Variants in HIVEP2 observed in about 807,000 individuals in gnomAD.
The protein encoded by HIVEP2 is HIVEP zinc finger 2.
Under a neutral mutation model 180.7 loss-of-function variants are expected in HIVEP2, and 14 were observed. The observed-to-expected ratio is 0.08, with a 90% CI of 0.05 to 0.12. The LOEUF (loss-of-function observed/expected upper bound fraction) is 0.12. HIVEP2 is among the 10% of genes least tolerant of loss of function. The pLI, the probability that HIVEP2 is intolerant of heterozygous loss-of-function variation, is 1.00. For synonymous variants in HIVEP2, 1,184 were observed against 1,136.4 expected (o/e 1.04, Z -0.84); for missense variants, 2,579 against 3,008.5 (o/e 0.86, Z 3.34).
chr6:142,868,888 T>C (rs763567772), intron 1 of HIVEP2, among the ~76,000 whole-genome samples: 8 of 152,210 alleles, frequency 5.3e-5, no homozygotes, highest in Non-Finnish European at 8.8e-5. Flanking sequence ...GTATTGCCTC[T>C]GTAAGTATAG....
chr6:142,821,788 A>G (rs529565915), intron 2 of HIVEP2, among the ~76,000 whole-genome samples: 50 of 152,320 alleles, frequency 3.3e-4, no homozygotes, highest in Non-Finnish European at 6.0e-4. Context: ...CAAGCAATCA[A>G]GGCTAAATAT....
At chr6:142,795,596 A>T (rs936014841) in intron 2 of HIVEP2, among the ~76,000 whole-genome samples, 3 of 152,218 alleles carry the variant, frequency 2.0e-5, no homozygotes, top group Non-Finnish European at 4.4e-5. Flanking sequence ...TTTAACATAG[A>T]TGTAAATTAT....
rs1775591955 is a variant in HIVEP2, at chr6:142,772,960, T to C, written c.1779A>G (p.Gln593=). 3 of 1,614,202 alleles carry C rather than the reference T, an allele frequency of 1.9e-6. No individual in the cohort carries two copies. The highest frequency in any genetic ancestry group is 2.5e-6 in the Non-Finnish European group (3 of 1,180,042). The part of the protein sequence containing the change: ...GIPPQRMLRR[Q]AAFELPSVQE... ...GTACCGAAGGCAGCTCAAATGCCGC[T>C]TGTCTTCTTAGCATGCGCTGAGGGG... Residue 593 remains glutamine (Q), a synonymous_variant, in exon 5 of 10, where the codon CAA becomes CAG. Coordinates refer to ENST00000367603, the MANE Select transcript of HIVEP2 (RefSeq NM_006734.4). The surrounding 1 kb of genome is among the most constrained non-coding windows in gnomAD (Gnocchi z 4.9).
At chr6:142,857,250 TTGTC>T (rs1221453360) in intron 1 of HIVEP2, among the ~76,000 whole-genome samples, 1 of 152,054 alleles carries the variant, frequency 6.6e-6, no homozygotes, top group Non-Finnish European at 1.5e-5. Flanking sequence ...CCATCAGATG[TTGTC>T]TGTCAACTTA....
chr6:142,940,913 C>T (rs1392233031), intron 1 of HIVEP2, among the ~76,000 whole-genome samples: 1 of 152,154 alleles, frequency 6.6e-6, no homozygotes, highest in Non-Finnish European at 1.5e-5. Flanking sequence ...CCGAGAATCA[C>T]CCTCAGGCAC....
chr6:142,882,592 T>A (rs1582938717), intron 1 of HIVEP2, among the ~76,000 whole-genome samples: 1 of 135,170 alleles, frequency 7.4e-6, no homozygotes, highest in African/African-American at 2.8e-5. Flanking sequence ...CCAGCCTGGG[T>A]GACAAAGCAA....
intron 1 of HIVEP2, among the ~76,000 whole-genome samples, chr6:142,894,642 C>T (rs374798616): frequency 6.6e-5 from 10 of 152,302 alleles, no homozygotes; most frequent in South Asian, 2.1e-4. Context: ...GAGTGTCCAG[C>T]GTGTCTTGCA....
chr6:142,911,354 A>T (rs1777401680), intron 1 of HIVEP2, among the ~76,000 whole-genome samples: 1 of 152,186 alleles, frequency 6.6e-6, no homozygotes, highest in African/African-American at 2.4e-5. Flanking sequence ...TGATTGCCAT[A>T]GGGCATTTAA....
At chr6:142,759,530 GCCTCAC>G (rs1775166486) in intron 9 of HIVEP2, among the ~76,000 whole-genome samples, 1 of 152,144 alleles carries the variant, frequency 6.6e-6, no homozygotes, top group African/African-American at 2.4e-5. Flanking sequence ...CTTCAGAAAG[GCCTCAC>G]CTGTTCCCAC....
chr6:142,844,383 A>G (rs1775453607), intron 1 of HIVEP2, among the ~76,000 whole-genome samples: 1 of 152,182 alleles, frequency 6.6e-6, no homozygotes. Context: ...CTAATATTTT[A>G]GCTCTCCTAA....
chr6:142,794,057 T>C (rs1158092372), intron 2 of HIVEP2: 1 of 152,162 alleles, frequency 6.6e-6, no homozygotes, highest in African/African-American at 2.4e-5. Context: ...ATTTTATTTT[T>C]ATTTAAAATT....
intron 7 of HIVEP2, among the ~76,000 whole-genome samples, chr6:142,761,827 T>G (rs1582832654): frequency 6.6e-6 from 1 of 152,172 alleles, no homozygotes; most frequent in East Asian, 1.9e-4. Flanking sequence ...TCACATCTTT[T>G]CAAGAGTAGG....
chr6:142,752,791 T>C lies in HIVEP2; in HGVS notation c.*316A>G, dbSNP rs1292180466. 5 of 246,406 alleles carry C rather than the reference T, an allele frequency of 2.0e-5. No individual in the cohort carries two copies. The highest frequency in any genetic ancestry group is 5.0e-5 in the Admixed American group (1 of 20,108). The allele number at this position is 246,406 out of a possible 1,614,324, so 15.3% of individuals were successfully genotyped here. A position where few individuals can be genotyped will look rare whatever the true frequency, so the allele number is the denominator to read the frequency against. ...GAAATTACATTTATTACAAAGCAGA[T>C]ACACAAATTCTAAAATATGTACAAA... is the stretch of plus-strand genomic sequence containing the variant. On this transcript the variant is annotated 3_prime_UTR_variant, in exon 10 of 10. Transcript: ENST00000367603.
intron 1 of HIVEP2, among the ~76,000 whole-genome samples, chr6:142,880,043 T>C (rs1334097528): frequency 6.6e-6 from 1 of 152,142 alleles, no homozygotes; most frequent in Admixed American, 6.6e-5. Context: ...GGAAACTCTA[T>C]AATTCATCTC....
rs1249045226 is a variant in HIVEP2, at chr6:142,753,148, C to T, written c.7300G>A (p.Glu2434Lys). The change falls in exon 10 of 10, where the codon GAA (glutamate) becomes AAA (lysine). Residue 2434 changes from glutamate (E) to lysine (K), a missense_variant. Coordinates refer to ENST00000367603, the MANE Select transcript of HIVEP2 (RefSeq NM_006734.4). ...TTTTCTGATGAAGGATCTTTGCTTT[C>T]CTCTGTGCTTGAAGATAATTCCTTG... ...SSKELSSSTEESKDPSSEKSQ... is the reference protein window; with the variant it reads ...SSKELSSSTEKSKDPSSEKSQ... 1 of 1,612,578 alleles carries T rather than the reference C, an allele frequency of 6.2e-7. No homozygotes were observed. The highest frequency in any genetic ancestry group is 1.1e-5 in the South Asian group (1 of 91,048).
intron 1 of HIVEP2, among the ~76,000 whole-genome samples, chr6:142,942,777 C>G (rs73588427): frequency 0.033 from 4,981 of 152,218 alleles, 261 homozygotes; most frequent in African/African-American, 0.11. Flanking sequence ...CATCAATTTA[C>G]TCTTGAATAC....
At chr6:142,783,987 C>T (rs539751605) in intron 2 of HIVEP2, among the ~76,000 whole-genome samples, 1 of 152,276 alleles carries the variant, frequency 6.6e-6, no homozygotes, top group South Asian at 2.1e-4. Context: ...GATGAAGTCT[C>T]AGATAACCTT....
intron 2 of HIVEP2, among the ~76,000 whole-genome samples, chr6:142,824,846 C>A (rs1774833907): frequency 6.6e-6 from 1 of 152,042 alleles, no homozygotes; most frequent in East Asian, 1.9e-4. Context: ...GGTGGTTCTG[C>A]AATTTGAAAC....
intron 1 of HIVEP2, among the ~76,000 whole-genome samples, chr6:142,938,636 ACAC>A (rs1300347180): frequency 1.3e-5 from 2 of 152,238 alleles, no homozygotes; most frequent in Non-Finnish European, 1.5e-5. Context: ...GCAAACCTGT[ACAC>A]ATATGCACGC....
Sources: gnomAD v4.1 joint callset for allele counts (sites outside exome capture counted in the v4.1 genomes callset) on GRCh38, gnomAD v4.1.1 for gene constraint, Gnocchi (gnomAD v3.1) non-coding constraint, MANE v1.5 for transcripts, NCBI Gene and HGNC (gene_info 2026-07-23, HGNC 2026-07-21) for gene names.